The following TBC1D15 variants were observed in gnomAD, a reference collection of about 807,000 sequenced individuals.
TBC1D15 encodes the protein GAP for RAB7.
Under a neutral mutation model 95.4 loss-of-function variants are expected in TBC1D15, and 39 were observed. The observed-to-expected ratio is 0.41, with a 90% CI of 0.32 to 0.53. The LOEUF (loss-of-function observed/expected upper bound fraction) is 0.53. TBC1D15 is among the 20% of genes least tolerant of loss of function. The probability of loss-of-function intolerance (pLI) is 0.29; values close to 1 mark genes in which losing one functional copy is unlikely to be tolerated. For missense variants in TBC1D15, 733 were observed against 794.3 expected, an observed-to-expected ratio of 0.92 and a Z score of 0.93; for synonymous variants, 258 against 261.3, an observed-to-expected ratio of 0.99 and a Z score of 0.12.
chr12:71,859,546 G>A (rs1301376804), intron 1 of TBC1D15, among the ~76,000 whole-genome samples: 1 of 151,954 alleles, frequency 6.6e-6, no homozygotes, highest in African/African-American at 2.4e-5. Flanking sequence ...ATTTCCTCTA[G>A]TAGTTTTTGA....
intron 1 of TBC1D15, among the ~76,000 whole-genome samples, chr12:71,864,042 G>A (rs1398689300): frequency 6.7e-6 from 1 of 149,600 alleles, no homozygotes; most frequent in Non-Finnish European, 1.5e-5. Context: ...CTAGAGAATT[G>A]TTATGTTCCC....
intron 10 of TBC1D15, among the ~76,000 whole-genome samples, chr12:71,902,943 C>T (rs748768212): frequency 1.3e-5 from 2 of 152,106 alleles, no homozygotes; most frequent in Non-Finnish European, 2.9e-5. Flanking sequence ...GACGGAGTCT[C>T]GCTCTGTTGC....
intron 1 of TBC1D15, chr12:71,854,918 T>A: frequency 4.4e-6 from 2 of 453,036 alleles, no homozygotes; most frequent in South Asian, 3.1e-5. Flanking sequence ...TCAGTACCCT[T>A]GAGATTTGAT....
At chr12:71,919,116 G>A (rs1444204208) in intron 14 of TBC1D15, among the ~76,000 whole-genome samples, 1 of 150,848 alleles carries the variant, frequency 6.6e-6, no homozygotes, top group Non-Finnish European at 1.5e-5. Flanking sequence ...GTAATCCCCA[G>A]TGTTTATTTT....
intron 1 of TBC1D15, 47 bp downstream of exon 1, chr12:71,839,858 G>T: frequency 1.2e-6 from 2 of 1,613,130 alleles, no homozygotes; most frequent in Non-Finnish European, 1.7e-6. Flanking sequence ...CTGGGACGGG[G>T]ATGCTTTTGC....
intron 16 of TBC1D15, 96 bp downstream of exon 16, chr12:71,921,550 G>A: frequency 3.1e-6 from 2 of 643,512 alleles, no homozygotes; most frequent in Non-Finnish European, 5.0e-6. Context: ...AGCAACTTTA[G>A]TAAGCTGAGG....
Position 71,922,994 on chromosome 12 carries a change from A to G in TBC1D15, c.1815A>G (p.Gln605=), listed in dbSNP as rs558985665. Residue 605 remains glutamine (Q), a synonymous_variant, in exon 17 of 17, where the codon CAA becomes CAG. Transcript: ENST00000485960. Reference sequence around the variant, plus strand: ...TTTTTCATATCCAGGAATTGCCACAAGCAGTCTGTGAGATCCTTGGGCTTC... The same window carrying G: ...TTTTTCATATCCAGGAATTGCCACAGGCAGTCTGTGAGATCCTTGGGCTTC... ...LQMVKCKELP[Q]AVCEILGLQG... is the part of the protein sequence containing the mutation. The G allele has an allele frequency of 6.2e-6, 10 of 1,614,190 alleles. No individual in the cohort carries two copies. In the East Asian group the frequency reaches 8.9e-5, roughly 14 times the overall value.
intron 3 of TBC1D15, among the ~76,000 whole-genome samples, chr12:71,878,309 C>T (rs1894396450): frequency 6.6e-6 from 1 of 152,070 alleles, no homozygotes; most frequent in Non-Finnish European, 1.5e-5. Flanking sequence ...ACTTAGTTGT[C>T]CTGTCTTCAG....
intron 1 of TBC1D15, among the ~76,000 whole-genome samples, chr12:71,840,022 G>C (rs1053038815): frequency 1.3e-5 from 2 of 152,126 alleles, no homozygotes; most frequent in African/African-American, 2.4e-5. Flanking sequence ...TCCAAGGCCA[G>C]CTAGGCCTCG....
At chr12:71,895,562 A>T (rs1201798706) in intron 7 of TBC1D15, among the ~76,000 whole-genome samples, 3 of 152,116 alleles carry the variant, frequency 2.0e-5, no homozygotes, top group African/African-American at 7.2e-5. Flanking sequence ...AATATGATTA[A>T]TGGAATAATT....
At chr12:71,879,089 G>A (rs1431262397) in intron 3 of TBC1D15, among the ~76,000 whole-genome samples, 2 of 151,390 alleles carry the variant, frequency 1.3e-5, no homozygotes, top group African/African-American at 4.9e-5. Flanking sequence ...GAAAGTTGAA[G>A]CCCTGCTTGA....
chr12:71,864,276 G>A (rs2138175007), intron 1 of TBC1D15, among the ~76,000 whole-genome samples: 1 of 152,090 alleles, frequency 6.6e-6, no homozygotes, highest in African/African-American at 2.4e-5. Flanking sequence ...CACCATGTTG[G>A]CCAGGATGGT....
chr12:71,874,110 G>T (rs1395586850), intron 3 of TBC1D15, among the ~76,000 whole-genome samples: 2 of 152,150 alleles, frequency 1.3e-5, no homozygotes, highest in African/African-American at 4.8e-5. Context: ...GATTACTTGT[G>T]TTAAGACCCT....
chr12:71,908,403 T>TAATTTCTAGTGGA (rs1270828072), intron 11 of TBC1D15, among the ~76,000 whole-genome samples: 1 of 151,474 alleles, frequency 6.6e-6, no homozygotes, highest in African/African-American at 2.5e-5. Flanking sequence ...ATAGTGGAAA[T>TAATTTCTAGTGGA]AATGTTTTCT....
At chr12:71,895,880 T>C (rs1223026280) in intron 7 of TBC1D15, 67 bp from the exon 8 acceptor site, 1 of 1,455,120 alleles carries the variant, frequency 6.9e-7, no homozygotes. Context: ...TAAATTTAGT[T>C]TCTATATGCC....
intron 5 of TBC1D15, among the ~76,000 whole-genome samples, chr12:71,891,751 G>A (rs892349270): frequency 2.6e-5 from 4 of 152,046 alleles, no homozygotes; most frequent in Non-Finnish European, 5.9e-5. Flanking sequence ...AATATTTGTG[G>A]TTGCTTGTTG....
In TBC1D15 at chr12:71,907,087, A is replaced by G. The variant is rs149051431; in HGVS notation, c.1249A>G (p.Ile417Val). Residue 417 changes from isoleucine (I) to valine (V), a missense_variant, in exon 11 of 17, where the codon ATT (isoleucine) becomes GTT (valine). Physicochemically the swap from Ile to Val is conservative, Grantham distance 29 (BLOSUM62 3). Transcript: ENST00000485960. ...TGAAGGCCAAGATAATCCAGGGTTG[A>G]TTTTACTTCATGACATTTTGATGAC... ...FYEGQDNPGLILLHDILMTYC... is the reference protein window; with the variant it reads ...FYEGQDNPGLVLLHDILMTYC... 58 of 1,611,820 alleles carry G rather than the reference A, an allele frequency of 3.6e-5. No individual in the cohort carries two copies. Among genetic ancestry groups the G allele is most frequent in the Non-Finnish European group, 4.7e-5 (55 of 1,178,830 alleles).
intron 1 of TBC1D15, among the ~76,000 whole-genome samples, chr12:71,842,559 C>G (rs1347927977): frequency 6.6e-6 from 1 of 151,942 alleles, no homozygotes; most frequent in Non-Finnish European, 1.5e-5. Flanking sequence ...AACCAGGTGC[C>G]GTGGCTCAGG....
chr12:71,903,280 T>C (rs1226585391), intron 10 of TBC1D15, among the ~76,000 whole-genome samples: 1 of 152,160 alleles, frequency 6.6e-6, no homozygotes, highest in East Asian at 1.9e-4. Flanking sequence ...TCAATATTAC[T>C]AGTCATTATG....
Sources: gnomAD v4.1 joint callset for allele counts (sites outside exome capture counted in the v4.1 genomes callset) on GRCh38, gnomAD v4.1.1 for gene constraint, MANE v1.5 for transcripts, NCBI Gene and HGNC (gene_info 2026-07-23, HGNC 2026-07-21) for gene names.